The following MTHFD2L variants were observed in gnomAD, a reference collection of about 807,000 sequenced individuals.
The protein encoded by MTHFD2L is bifunctional methylenetetrahydrofolate dehydrogenase/cyclohydrolase 2, mitochondrial.
Under a neutral mutation model 34.9 loss-of-function variants are expected in MTHFD2L, and 29 were observed. The observed-to-expected ratio is 0.83, with a 90% CI of 0.62 to 1.13. The LOEUF is 1.13. Among genes scored for constraint, MTHFD2L ranks in the 50% most tolerant of loss-of-function variants. The pLI, the probability that MTHFD2L is intolerant of heterozygous loss-of-function variation, is 0.00. For missense variants in MTHFD2L, 481 were observed against 446.5 expected, an observed-to-expected ratio of 1.08 and a Z score of -0.70; for synonymous variants, 167 against 155.7, an observed-to-expected ratio of 1.07 and a Z score of -0.54.
chr4:74,197,608 G>T (rs1733709642), intron 3 of MTHFD2L, among the ~76,000 whole-genome samples: 1 of 152,146 alleles, frequency 6.6e-6, no homozygotes, highest in East Asian at 1.9e-4. Flanking sequence ...ACTTCTGTAT[G>T]ATACAAAAGG....
chr4:74,295,459 C>G (rs1021984326), intron 7 of MTHFD2L, among the ~76,000 whole-genome samples: 3 of 152,096 alleles, frequency 2.0e-5, no homozygotes, highest in African/African-American at 7.2e-5. Flanking sequence ...TGCCTGAATT[C>G]ATTCCCACCT....
intron 1 of MTHFD2L, chr4:74,165,067 AT>A: frequency 1.2e-6 from 1 of 815,200 alleles, no homozygotes; most frequent in African/African-American, 1.9e-5. Flanking sequence ...AAACTAGCAC[AT>A]TTTTTAGAGT....
intron 1 of MTHFD2L, among the ~76,000 whole-genome samples, chr4:74,168,601 C>G (rs933853209): frequency 2.6e-5 from 4 of 152,122 alleles, no homozygotes; most frequent in African/African-American, 9.7e-5. Context: ...TTGTTTTGTG[C>G]CCTATTATTT....
chr4:74,192,132 T>C (rs1324548735), intron 3 of MTHFD2L, among the ~76,000 whole-genome samples: 1 of 152,072 alleles, frequency 6.6e-6, no homozygotes, highest in Non-Finnish European at 1.5e-5. Context: ...TTAAAAAATA[T>C]ATATAATAAA....
chr4:74,215,216 C>A (rs1455244765), intron 5 of MTHFD2L, among the ~76,000 whole-genome samples: 1 of 151,760 alleles, frequency 6.6e-6, no homozygotes, highest in Non-Finnish European at 1.5e-5. Flanking sequence ...TTCTGTCTCA[C>A]TGATGTTCCA....
At chr4:74,267,380 T>C (rs1456010894) in intron 6 of MTHFD2L, 1 of 400,034 alleles carries the variant, frequency 2.5e-6, no homozygotes, top group East Asian at 1.6e-4. Context: ...TTTTTCTTTC[T>C]TTCTTTCTTT....
rs1245255961 is a variant in MTHFD2L at position 74,114,765 on chromosome 4, G to T, written c.-144+108G>T. The T allele has an allele frequency of 2.0e-5, 3 of 152,210 alleles. No homozygotes were observed. In the East Asian group the frequency reaches 5.8e-4, roughly 29 times the overall value. The allele number at this position is 152,210 out of a possible 1,614,324, so 9.4% of individuals were successfully genotyped here. On this transcript the variant is annotated intron_variant and NMD_transcript_variant, in intron 2 of 9. Coordinates refer to the MTHFD2L transcript ENST00000429519. The stretch of plus-strand genomic sequence containing the variant: ...CATACAAATTAATGTCTAGGTTTGT[G>T]GGTCTTGAGGCTTCAGTGGAGGTCA...
chr4:74,149,370 A>AAAAC (rs1295514574), intron 1 of MTHFD2L, among the ~76,000 whole-genome samples: 1 of 151,874 alleles, frequency 6.6e-6, no homozygotes, highest in Non-Finnish European at 1.5e-5. Context: ...AGGCTGCTGA[A>AAAAC]AAACTAAATG....
chr4:74,116,828 A>T (rs915033985), intron 2 of MTHFD2L, among the ~76,000 whole-genome samples: 1 of 152,224 alleles, frequency 6.6e-6, no homozygotes, highest in East Asian at 1.9e-4. Context: ...CCTTGACACT[A>T]AAGTGGTAGT....
At chr4:74,183,815 CTTATTCTTA>C (rs947182953) in intron 3 of MTHFD2L, 1 of 16,654 alleles carries the variant, frequency 6.0e-5, no homozygotes, top group Non-Finnish European at 5.7e-3. Context: ...ATATATTGTT[CTTATTCTTA>C]TTATTCAGAT....
chr4:74,164,920 A>G, intron 1 of MTHFD2L: 29 of 959,374 alleles, frequency 3.0e-5, no homozygotes, highest in Non-Finnish European at 3.6e-5. Context: ...CTTTAGGGGA[A>G]GGTCATTTCT....
At chr4:74,128,419 T>C (rs1366540236) in intron 1 of MTHFD2L, among the ~76,000 whole-genome samples, 4 of 152,112 alleles carry the variant, frequency 2.6e-5, no homozygotes, top group African/African-American at 7.2e-5. Flanking sequence ...GGGGTCTAAT[T>C]TCACTCTATG....
chr4:74,215,563 C>T (rs1347977193), intron 5 of MTHFD2L, among the ~76,000 whole-genome samples: 1 of 151,550 alleles, frequency 6.6e-6, no homozygotes, highest in Non-Finnish European at 1.5e-5. Flanking sequence ...GAGCCAAGTA[C>T]CTTAGTTGGA....
intron 5 of MTHFD2L, among the ~76,000 whole-genome samples, chr4:74,210,604 A>G (rs185091862): frequency 1.5e-3 from 226 of 152,276 alleles, no homozygotes; most frequent in African/African-American, 5.1e-3. Flanking sequence ...GCCTTGTAGT[A>G]TAGTTTGAAG....
chr4:74,145,103 T>C (rs1351601939), intron 1 of MTHFD2L, among the ~76,000 whole-genome samples: 1 of 151,920 alleles, frequency 6.6e-6, no homozygotes, highest in Non-Finnish European at 1.5e-5. Flanking sequence ...TGCTTCAACA[T>C]TGCAGTAGGT....
chr4:74,190,305 A>G (rs1416165236), intron 3 of MTHFD2L: 1 of 180,762 alleles, frequency 5.5e-6, no homozygotes, highest in South Asian at 1.8e-4. Flanking sequence ...TAGGATCTCC[A>G]TATACTCTTC....
intron 6 of MTHFD2L, among the ~76,000 whole-genome samples, chr4:74,253,798 A>C (rs879923447): frequency 1.3e-5 from 2 of 152,064 alleles, no homozygotes; most frequent in Non-Finnish European, 2.9e-5. Flanking sequence ...GGAGGCCAGC[A>C]CCAGAACACC....
chr4:74,201,532 T>C (rs1260728075), intron 5 of MTHFD2L, among the ~76,000 whole-genome samples, 162 bp downstream of exon 5: 1 of 151,652 alleles, frequency 6.6e-6, no homozygotes, highest in Non-Finnish European at 1.5e-5. Flanking sequence ...TGAAAGTGAC[T>C]GTAGGAATTA....
chr4:74,215,034 G>C (rs1391263558), intron 5 of MTHFD2L, among the ~76,000 whole-genome samples: 1 of 151,662 alleles, frequency 6.6e-6, no homozygotes. Flanking sequence ...GTAAATGGTG[G>C]ACTGCCCCCC....
Sources: allele counts gnomAD v4.1 joint callset (sites outside exome capture counted in the v4.1 genomes callset), GRCh38; gene constraint gnomAD v4.1.1; transcripts MANE v1.5; gene names NCBI Gene and HGNC (gene_info 2026-07-23, HGNC 2026-07-21).